The following PLEKHA7 variants were observed in gnomAD, a reference collection of about 807,000 sequenced individuals.
PLEKHA7 encodes pleckstrin homology domain containing A7.
In PLEKHA7, 104 loss-of-function variants were observed where a neutral mutation model predicts 170.0. The observed-to-expected ratio is 0.61, with a 90% CI of 0.52 to 0.72. The LOEUF is 0.72. PLEKHA7 is among the 30% of genes least tolerant of loss of function. The probability of loss-of-function intolerance (pLI) is 0.00; values close to 1 mark genes in which losing one functional copy is unlikely to be tolerated. For missense variants in PLEKHA7, 1,615 were observed against 1,671.7 expected, an observed-to-expected ratio of 0.97 and a Z score of 0.59; for synonymous variants, 648 against 660.8, an observed-to-expected ratio of 0.98 and a Z score of 0.30.
chr11:16,927,852 C>T (rs140223093), intron 3 of PLEKHA7, among the ~76,000 whole-genome samples: 35 of 152,186 alleles, frequency 2.3e-4, no homozygotes, highest in African/African-American at 4.6e-4. Context: ...TCTAATTGTA[C>T]GACAGGAAAT....
rs1407804218 is a variant in PLEKHA7 at position 16,794,713 on chromosome 11, C to T, written c.2520G>A (p.Glu840=). The change falls in exon 19 of 27, where the codon GAG becomes GAA. Residue 840 remains glutamate, a splice_region_variant and synonymous_variant. Coordinates refer to ENST00000531066, the MANE Select transcript of PLEKHA7 (RefSeq NM_001329630.2). ...GAGGAAACAAAGGCACCGTTTTTCT[C>T]TCTAAGGGGCATAGAAGGAAACAAA... is the stretch of plus-strand genomic sequence containing the variant. ...RILVESVKNP[E]RKTVPLFPHP... 3.7e-6 allele frequency: 6 copies of T among 1,613,728 alleles called. No individual in the cohort carries two copies. Among genetic ancestry groups the T allele is most frequent in the Non-Finnish European group, 5.1e-6 (6 of 1,179,762 alleles).
Position 16,792,600 on chromosome 11 carries a change from A to G in PLEKHA7, c.2746-1401T>C, listed in dbSNP as rs185140025. ...AAGATTGTGGTTACTTCTGGCAGAC[A>G]GGAAGCAGCTTGGCCTGGGAAAGAA... On this transcript the variant is annotated intron_variant, in intron 19 of 26. Coordinates refer to ENST00000531066, the MANE Select transcript of PLEKHA7 (RefSeq NM_001329630.2). Among the ~76,000 whole-genome samples, 15 of 152,018 alleles carry G rather than the reference A, an allele frequency of 9.9e-5. No homozygotes were observed. In the East Asian group the frequency reaches 2.9e-3, roughly 29 times the overall value.
rs191873261 is a variant in PLEKHA7 at position 16,840,153 on chromosome 11, T to G, written c.872+1394A>C. 4.5e-4 allele frequency among the ~76,000 whole-genome samples: 69 copies of G among 152,336 alleles called. 1 individual carries two copies. Among genetic ancestry groups the G allele is most frequent in the Non-Finnish European group, 3.1e-4 (21 of 68,024 alleles). ...GCCCATGGGGAAGCTCCTAGGGCAGTCTTTGGTCCTGTCCTGTTCAACATC... is the reference window on the plus strand; with the variant it reads ...GCCCATGGGGAAGCTCCTAGGGCAGGCTTTGGTCCTGTCCTGTTCAACATC... On this transcript the variant is annotated intron_variant, in intron 9 of 26. Coordinates refer to ENST00000531066, the MANE Select transcript of PLEKHA7 (RefSeq NM_001329630.2).
chr11:16,819,214 C>G (rs1261237594), intron 10 of PLEKHA7, among the ~76,000 whole-genome samples: 1 of 152,204 alleles, frequency 6.6e-6, no homozygotes, highest in Admixed American at 6.5e-5. Context: ...TCTCCTGCCT[C>G]AGCCTCCTGA....
intron 8 of PLEKHA7, among the ~76,000 whole-genome samples, chr11:16,850,428 C>A (rs1852835362): frequency 6.6e-6 from 1 of 152,224 alleles, no homozygotes; most frequent in South Asian, 2.1e-4. Flanking sequence ...TAAAGTGGAT[C>A]TTCAATCCAC....
chr11:16,814,626 A>G (rs1319851119), intron 12 of PLEKHA7, among the ~76,000 whole-genome samples: 5 of 152,230 alleles, frequency 3.3e-5, no homozygotes, highest in Admixed American at 3.3e-4. Context: ...TGCAGCCTGC[A>G]TGCTTCTAGC....
rs539649139 is a variant in PLEKHA7, at chr11:16,786,247, G to A, written c.3498C>T (p.Asp1166=). 153 of 1,536,026 alleles carry A rather than the reference G, an allele frequency of 1.0e-4. No individual in the cohort carries two copies. Among genetic ancestry groups the A allele is most frequent in the Non-Finnish European group, 1.3e-4 (146 of 1,146,922 alleles). ...TELDLEPQDY[D]LDISRELSKP... ...CCCTCACCTCTCTGCTGATGTCCAA[G>A]TCATAGTCTTGAGGCTCCAGGTCCA... The change falls in exon 24 of 27, where the codon GAC becomes GAT. Residue 1166 remains aspartate (D), a synonymous_variant. Coordinates refer to ENST00000531066, the MANE Select transcript of PLEKHA7 (RefSeq NM_001329630.2).
At chr11:16,941,130 G>A (rs956471480) in intron 3 of PLEKHA7, among the ~76,000 whole-genome samples, 1 of 152,130 alleles carries the variant, frequency 6.6e-6, no homozygotes, top group African/African-American at 2.4e-5. Flanking sequence ...TGAAGGAGGT[G>A]GCAAATCCCT....
chr11:16,907,971 C>G (rs1292888093), intron 3 of PLEKHA7, among the ~76,000 whole-genome samples: 2 of 149,634 alleles, frequency 1.3e-5, no homozygotes, highest in African/African-American at 4.9e-5. Context: ...TACCCCCAAC[C>G]CTGTGCTCTC....
chr11:16,794,743 G>A lies in PLEKHA7; in HGVS notation c.2519-29C>T, dbSNP rs756701013. ...AGGGGCATAGAAGGAAACAAAGCAC[G>A]GGATGGAACAAAGACCCCCTTCCTT... On this transcript the variant is annotated intron_variant, in intron 18 of 26. Coordinates refer to ENST00000531066, the MANE Select transcript of PLEKHA7 (RefSeq NM_001329630.2). 1.6e-5 allele frequency: 26 copies of A among 1,603,432 alleles called. 1 individual carries two copies. The highest frequency in any genetic ancestry group is 3.3e-4 in the Middle Eastern group (2 of 6,050).
chr11:16,815,895 A>C (rs971867299), intron 12 of PLEKHA7, among the ~76,000 whole-genome samples: 2 of 152,168 alleles, frequency 1.3e-5, no homozygotes, highest in Non-Finnish European at 2.9e-5. Flanking sequence ...CTGCCTGTGG[A>C]AAAAGGTGGG....
At chr11:16,795,972 C>T (rs765886399) in intron 17 of PLEKHA7, among the ~76,000 whole-genome samples, 17 of 150,880 alleles carry the variant, frequency 1.1e-4, no homozygotes, top group Non-Finnish European at 2.5e-4. Context: ...TCTCCTGCCT[C>T]AGCCTCCCAA....
In PLEKHA7 at chr11:17,014,183, C is replaced by A. The variant is rs760467048; in HGVS notation, c.105G>T (p.Thr35=). 2.5e-6 allele frequency: 4 copies of A among 1,596,526 alleles called. No homozygotes were observed. Among genetic ancestry groups the A allele is most frequent in the Non-Finnish European group, 3.4e-6 (4 of 1,173,286 alleles). The part of the protein sequence containing the change: ...VFFINDQLRC[T]TWLHPRTGEP... ...CCCCGGTGCGCGGATGCAGCCAGGT[C>A]GTGCAGCGGAGCTGGTCACTGCGGG... is the stretch of plus-strand genomic sequence containing the variant. Residue 35 remains threonine, a synonymous_variant, in exon 2 of 27, where the codon ACG becomes ACT. Coordinates refer to ENST00000531066, the MANE Select transcript of PLEKHA7 (RefSeq NM_001329630.2).
intron 3 of PLEKHA7, among the ~76,000 whole-genome samples, chr11:16,894,426 T>G (rs1461878244): frequency 6.6e-6 from 1 of 152,248 alleles, no homozygotes; most frequent in Non-Finnish European, 1.5e-5. Context: ...AGCACACCAC[T>G]GTGCCCAAAT....
At chr11:16,906,582 C>G (rs1343953859) in intron 3 of PLEKHA7, among the ~76,000 whole-genome samples, 7 of 138,852 alleles carry the variant, frequency 5.0e-5, no homozygotes, top group Non-Finnish European at 1.0e-4. Flanking sequence ...CTCGGCCTCC[C>G]GAGGTGCCGG....
At chr11:16,782,655 C>G in intron 26 of PLEKHA7, 99 bp downstream of exon 26, 1 of 1,437,366 alleles carries the variant, frequency 7.0e-7, no homozygotes, top group Non-Finnish European at 9.3e-7. Context: ...ATCCTTGACA[C>G]CTGGTTTTCC....
At chr11:16,888,166 C>T (rs1442724584) in intron 3 of PLEKHA7, among the ~76,000 whole-genome samples, 1 of 152,046 alleles carries the variant, frequency 6.6e-6, no homozygotes, top group Non-Finnish European at 1.5e-5. Context: ...GGCAGCCGTC[C>T]CCCTCTGGGA....
Position 16,826,215 on chromosome 11 carries a change from A to G in PLEKHA7, c.1248T>C (p.Phe416=), listed in dbSNP as rs1850629545. Reference sequence around the variant, plus strand: ...GTTTTTCAGGGTTGGTCCTGGGAGGAAAGGCCCGCTGGTACCCACCAGTCC... The same window carrying G: ...GTTTTTCAGGGTTGGTCCTGGGAGGGAAGGCCCGCTGGTACCCACCAGTCC... ...QNGTGGYQRA[F]PPRTNPEKHS... is the part of the protein sequence containing the mutation. The change falls in exon 10 of 27, where the codon TTT becomes TTC. Residue 416 remains phenylalanine (F), a synonymous_variant. Coordinates refer to ENST00000531066, the MANE Select transcript of PLEKHA7 (RefSeq NM_001329630.2). 6.2e-7 allele frequency: 1 copy of G among 1,614,126 alleles called. No homozygotes were observed. Among genetic ancestry groups the G allele is most frequent in the South Asian group, 1.1e-5 (1 of 91,060 alleles).
At chr11:16,979,430 A>G (rs61881287) in intron 3 of PLEKHA7, among the ~76,000 whole-genome samples, 53,963 of 151,512 alleles carry the variant, frequency 0.36, 10,113 homozygotes, top group Middle Eastern at 0.42. Flanking sequence ...AGACATTCCC[A>G]TTTTACAGAC....
Sources: allele counts gnomAD v4.1 joint callset (sites outside exome capture counted in the v4.1 genomes callset), GRCh38; gene constraint gnomAD v4.1.1; transcripts MANE v1.5; gene names NCBI Gene and HGNC (gene_info 2026-07-23, HGNC 2026-07-21).